The following SGCZ variants were observed in gnomAD, a reference collection of about 807,000 sequenced individuals.
SGCZ encodes the protein sarcoglycan zeta.
Under a neutral mutation model 41.3 loss-of-function variants are expected in SGCZ, and 40 were observed. The ratio of observed to expected loss-of-function variants is 0.97; its 90% CI spans 0.75 to 1.26. SGCZ has a LOEUF of 1.26. SGCZ is among the 50% of genes most tolerant of loss of function. The pLI is 0.00. For synonymous variants in SGCZ, 206 were observed against 137.5 expected, an observed-to-expected ratio of 1.50 and a Z score of -3.49; for missense variants, 552 against 369.8, an observed-to-expected ratio of 1.49 and a Z score of -4.04.
rs146639710 is a variant in SGCZ at position 14,233,023 on chromosome 8, A to C, written c.424+4569T>G. Among the ~76,000 whole-genome samples the C allele has an allele frequency of 5.1e-4, 77 of 152,204 alleles. 2 individuals are homozygous for C. The South Asian group carries it at 0.012, about 23-fold the overall frequency. On this transcript the variant is annotated intron_variant, in intron 4 of 7. Coordinates refer to ENST00000382080, the MANE Select transcript of SGCZ (RefSeq NM_139167.4). ...GACATAGGGCCCCATAAGTAGCCAT[A>C]ATAAGTATCTCAAAAGTCATTGGGA... is the stretch of plus-strand genomic sequence containing the variant.
intron 2 of SGCZ, among the ~76,000 whole-genome samples, chr8:14,505,321 C>T (rs934604557): frequency 6.6e-6 from 1 of 152,030 alleles, no homozygotes; most frequent in African/African-American, 2.4e-5. Flanking sequence ...AGTGTAAGGA[C>T]ATAAAATGCC....
At position 14,087,552 on chromosome 8, in the gene SGCZ, A is replaced by G. The variant is rs991998296; in HGVS notation, c.*2891T>C. Among the ~76,000 whole-genome samples the G allele has an allele frequency of 7.3e-5, 11 of 151,636 alleles. No individual in the cohort carries two copies. Among genetic ancestry groups the G allele is most frequent in the Non-Finnish European group, 1.2e-4 (8 of 67,738 alleles). ...GTAATAAGATAGCTTAGTCGCATCCATGTAGTACACTATAAAGGACTCATT... is the reference window on the plus strand; with the variant it reads ...GTAATAAGATAGCTTAGTCGCATCCGTGTAGTACACTATAAAGGACTCATT... On this transcript the variant is annotated 3_prime_UTR_variant, in exon 8 of 8. Coordinates refer to ENST00000382080, the MANE Select transcript of SGCZ (RefSeq NM_139167.4).
chr8:15,195,254 G>C (rs771265235), intron 1 of SGCZ, among the ~76,000 whole-genome samples: 20 of 152,222 alleles, frequency 1.3e-4, no homozygotes, highest in Non-Finnish European at 1.2e-4. Context: ...CCTTTACTGG[G>C]AGACGTGTGT....
intron 2 of SGCZ, among the ~76,000 whole-genome samples, chr8:14,505,842 A>C (rs1340348332): frequency 6.6e-6 from 1 of 152,108 alleles, no homozygotes; most frequent in Non-Finnish European, 1.5e-5. Flanking sequence ...GCCCCATCGT[A>C]TACTTAATAA....
Position 14,976,003 on chromosome 8 carries a change from T to C in SGCZ, c.39+261582A>G, listed in dbSNP as rs779683078. 9.3e-5 allele frequency among the ~76,000 whole-genome samples: 10 copies of C among 108,036 alleles called. 1 individual carries two copies. In the South Asian group the frequency reaches 9.3e-4, roughly 10 times the overall value. 70.9% of individuals were successfully genotyped at this position (108,036 alleles called of 152,430 possible). On this transcript the variant is annotated intron_variant, in intron 1 of 7. Transcript: ENST00000382080. ...GTATGTGTGTATATATATATATACATATATATATATATACACATATATATT... is the reference window on the plus strand; with the variant it reads ...GTATGTGTGTATATATATATATACACATATATATATATACACATATATATT...
At chr8:14,191,849 G>C (rs1403542642) in intron 4 of SGCZ, among the ~76,000 whole-genome samples, 1 of 152,076 alleles carries the variant, frequency 6.6e-6, no homozygotes, top group Admixed American at 6.5e-5. Flanking sequence ...CTTTTAGCTA[G>C]TAATGACTGG....
chr8:14,539,851 C>T (rs557515895), intron 2 of SGCZ, among the ~76,000 whole-genome samples: 2 of 151,954 alleles, frequency 1.3e-5, no homozygotes, highest in African/African-American at 4.8e-5. Context: ...AGTTCCATAC[C>T]AGCCTGGAAT....
intron 2 of SGCZ, among the ~76,000 whole-genome samples, chr8:14,369,021 ATGTGTGTGTGTGTGTG>A (rs10655274): frequency 8.9e-5 from 13 of 145,418 alleles, no homozygotes. Context: ...GCAAATGTAA[ATGTGTGTGTGTGTGTG>A]TGTGTGTGTG....
chr8:15,146,080 A>G (rs1432300246), intron 1 of SGCZ, among the ~76,000 whole-genome samples: 1 of 152,184 alleles, frequency 6.6e-6, no homozygotes, highest in Non-Finnish European at 1.5e-5. Context: ...GGGCTAAAAA[A>G]GAAGAAATGA....
chr8:14,619,247 T>G (rs551456823), intron 1 of SGCZ, among the ~76,000 whole-genome samples: 28 of 152,184 alleles, frequency 1.8e-4, no homozygotes, highest in Non-Finnish European at 3.2e-4. Flanking sequence ...ACAACCTTCA[T>G]GCTAAAAACT....
intron 1 of SGCZ, among the ~76,000 whole-genome samples, chr8:15,124,966 G>T (rs1585588885): frequency 6.6e-6 from 1 of 151,892 alleles, no homozygotes; most frequent in South Asian, 2.1e-4. Flanking sequence ...AAACAATATG[G>T]GTATAAAAGT....
chr8:14,167,168 A>G (rs1323060922), intron 4 of SGCZ, among the ~76,000 whole-genome samples: 1 of 152,184 alleles, frequency 6.6e-6, no homozygotes, highest in East Asian at 1.9e-4. Context: ...AGGGATATTT[A>G]TGCTTAAAGT....
At chr8:14,628,965 A>G (rs1806553649) in intron 1 of SGCZ, among the ~76,000 whole-genome samples, 1 of 152,150 alleles carries the variant, frequency 6.6e-6, no homozygotes, top group African/African-American at 2.4e-5. Context: ...CTGAGTCGTA[A>G]TCAATTCCAA....
intron 4 of SGCZ, among the ~76,000 whole-genome samples, chr8:14,198,613 A>T (rs35956896): frequency 0.24 from 36,261 of 152,102 alleles, 5,558 homozygotes; most frequent in Non-Finnish European, 0.34. Context: ...AAAAAGAGGA[A>T]AAAAAGAACT....
chr8:14,831,165 A>C (rs1415404179), intron 1 of SGCZ, among the ~76,000 whole-genome samples: 1 of 152,126 alleles, frequency 6.6e-6, no homozygotes, highest in African/African-American at 2.4e-5. Context: ...ACTATGGATG[A>C]CTCTGGCTAA....
intron 1 of SGCZ, among the ~76,000 whole-genome samples, chr8:14,841,607 A>C (rs555677273): frequency 2.0e-5 from 3 of 152,304 alleles, no homozygotes; most frequent in African/African-American, 4.8e-5. Context: ...TTTCGGCGTT[A>C]AACTAAGGAA....
chr8:14,262,433 A>T (rs190263413), intron 3 of SGCZ, among the ~76,000 whole-genome samples: 2 of 152,244 alleles, frequency 1.3e-5, no homozygotes, highest in African/African-American at 4.8e-5. Flanking sequence ...AGGAATGAAT[A>T]TATAATTTTA....
chr8:15,089,083 C>G (rs1343980907), intron 1 of SGCZ, among the ~76,000 whole-genome samples: 2 of 152,106 alleles, frequency 1.3e-5, no homozygotes, highest in Non-Finnish European at 2.9e-5. Context: ...CTCCAACTTA[C>G]TGAAAGTCTA....
chr8:14,794,204 C>A (rs1458198506), intron 1 of SGCZ, among the ~76,000 whole-genome samples: 3 of 152,080 alleles, frequency 2.0e-5, no homozygotes, highest in African/African-American at 7.2e-5. Context: ...TTATCCAAAC[C>A]AAAGTCTCTG....
Sources: gnomAD v4.1 joint callset for allele counts (sites outside exome capture counted in the v4.1 genomes callset) on GRCh38, gnomAD v4.1.1 for gene constraint, MANE v1.5 for transcripts, NCBI Gene and HGNC (gene_info 2026-07-23, HGNC 2026-07-21) for gene names.